CADM2: variants seen among roughly 807,000 people sequenced by gnomAD.
CADM2 encodes the protein cell adhesion molecule 2, also known as immunoglobulin superfamily member 4D.
In CADM2, 12 loss-of-function variants were observed where a neutral mutation model predicts 49.8. The ratio of observed to expected loss-of-function variants is 0.24; its 90% CI spans 0.15 to 0.39. The LOEUF (loss-of-function observed/expected upper bound fraction) is 0.39, where lower values mean the gene tolerates loss of function less well. Ranked by LOEUF, CADM2 falls within the 10% of genes least tolerant of loss-of-function variation. CADM2 has a pLI of 1.00. For missense variants in CADM2, 378 were observed against 492.3 expected, an observed-to-expected ratio of 0.77 and a Z score of 2.20; for synonymous variants, 214 against 175.4, an observed-to-expected ratio of 1.22 and a Z score of -1.74.
chr3:85,954,468 T>A (rs531192941), intron 7 of CADM2, among the ~76,000 whole-genome samples: 1 of 151,250 alleles, frequency 6.6e-6, no homozygotes, highest in East Asian at 2.0e-4. Context: ...TTTAATCAGC[T>A]TCACAGTTTT....
chr3:85,659,113 G>A (rs1395943199), intron 1 of CADM2, among the ~76,000 whole-genome samples: 1 of 147,070 alleles, frequency 6.8e-6, no homozygotes, highest in African/African-American at 2.5e-5. Flanking sequence ...CTCTACTGAA[G>A]CCCTTTCTGA....
chr3:85,198,467 G>T lies in CADM2; in HGVS notation c.61+238799G>T, dbSNP rs199550291. ...GGTCTCACCACGATGTTAATAGCAT[G>T]TTTTTTTTTTAGTTGCAACAATGCT... On this transcript the variant is annotated intron_variant, in intron 1 of 9. Coordinates refer to ENST00000383699, the MANE Select transcript of CADM2 (RefSeq NM_001167675.2). Among the ~76,000 whole-genome samples the T allele has an allele frequency of 2.2e-4, 28 of 130,064 alleles. 1 individual carries two copies. In the East Asian group the frequency reaches 6.3e-3, roughly 29 times the overall value. The allele number at this position is 130,064 out of a possible 152,430, so 85.3% of individuals were successfully genotyped here.
intron 1 of CADM2, among the ~76,000 whole-genome samples, chr3:85,307,177 T>C (rs1451008680): frequency 1.3e-5 from 2 of 151,624 alleles, no homozygotes; most frequent in East Asian, 3.9e-4. Flanking sequence ...ATATGTGTGG[T>C]TATGTTTATA....
At chr3:85,928,117 C>T (rs1264966599) in intron 6 of CADM2, among the ~76,000 whole-genome samples, 2 of 151,796 alleles carry the variant, frequency 1.3e-5, no homozygotes, top group African/African-American at 2.4e-5. Flanking sequence ...ATCCTTACTT[C>T]CCAAGTTCAT....
At chr3:85,401,026 A>G (rs1298514436) in intron 1 of CADM2, among the ~76,000 whole-genome samples, 12 of 152,178 alleles carry the variant, frequency 7.9e-5, no homozygotes, top group Non-Finnish European at 1.8e-4. Flanking sequence ...ACTTTCAGAA[A>G]CAGGTTATGA....
At position 85,957,050 on chromosome 3, in the gene CADM2, T is replaced by C. The variant is rs761712955; in HGVS notation, c.792-4419T>C. 2.0e-5 allele frequency among the ~76,000 whole-genome samples: 3 copies of C among 151,832 alleles called. No homozygotes were observed. The East Asian group carries it at 5.9e-4, about 30-fold the overall frequency. On this transcript the variant is annotated intron_variant, in intron 7 of 9. Transcript: ENST00000383699. ...AACTTCTATTTTAATATGGGTCTTATGTGACTTTGTGGAAAGGGCAAGATT... is the reference window on the plus strand; with the variant it reads ...AACTTCTATTTTAATATGGGTCTTACGTGACTTTGTGGAAAGGGCAAGATT...
chr3:85,153,467 G>C (rs551900641), intron 1 of CADM2, among the ~76,000 whole-genome samples: 101 of 152,194 alleles, frequency 6.6e-4, no homozygotes, highest in Non-Finnish European at 6.6e-4. Context: ...TGCTAGCACA[G>C]CATTCTGAGA....
At chr3:85,742,451 G>A (rs1454725897) in intron 2 of CADM2, among the ~76,000 whole-genome samples, 2 of 151,992 alleles carry the variant, frequency 1.3e-5, no homozygotes, top group Non-Finnish European at 2.9e-5. Flanking sequence ...TCTATTATCC[G>A]CAAGTACATG....
intron 1 of CADM2, among the ~76,000 whole-genome samples, chr3:85,559,185 G>A (rs192420551): frequency 6.6e-5 from 10 of 151,514 alleles, no homozygotes; most frequent in Admixed American, 2.0e-4. Flanking sequence ...AACATATCTG[G>A]GATTAATATA....
At chr3:85,533,321 A>T (rs1230348403) in intron 1 of CADM2, among the ~76,000 whole-genome samples, 2 of 152,152 alleles carry the variant, frequency 1.3e-5, no homozygotes, top group African/African-American at 4.8e-5. Flanking sequence ...GTCTTTTTTG[A>T]TGCAGGAATC....
intron 1 of CADM2, among the ~76,000 whole-genome samples, chr3:85,156,854 G>A (rs916053271): frequency 3.2e-4 from 48 of 152,286 alleles, no homozygotes; most frequent in African/African-American, 1.0e-3. Context: ...TTAGGCAGGA[G>A]AAGGAAATAA....
intron 1 of CADM2, among the ~76,000 whole-genome samples, chr3:85,063,888 A>T (rs1265585071): frequency 6.6e-6 from 1 of 152,088 alleles, no homozygotes; most frequent in Non-Finnish European, 1.5e-5. Flanking sequence ...ACGCATTAGC[A>T]GCTTCCTCCT....
chr3:85,872,551 C>A (rs2075969392), intron 3 of CADM2, among the ~76,000 whole-genome samples: 1 of 151,624 alleles, frequency 6.6e-6, no homozygotes, highest in Non-Finnish European at 1.5e-5. Flanking sequence ...CAGTCACTTT[C>A]ATTTGCCCCA....
chr3:85,875,057 G>A (rs968403929), intron 3 of CADM2, among the ~76,000 whole-genome samples: 20 of 152,082 alleles, frequency 1.3e-4, no homozygotes, highest in Admixed American at 4.6e-4. Context: ...ATTTACTATG[G>A]TTTCAGTAAA....
intron 3 of CADM2, among the ~76,000 whole-genome samples, chr3:85,868,682 G>T (rs2075810796): frequency 6.6e-6 from 1 of 152,154 alleles, no homozygotes; most frequent in South Asian, 2.1e-4. Context: ...CAGAAATTAT[G>T]CTACTAATAT....
chr3:85,969,395 G>C (rs563468059), intron 8 of CADM2, among the ~76,000 whole-genome samples: 2 of 151,396 alleles, frequency 1.3e-5, no homozygotes, highest in African/African-American at 4.8e-5. Context: ...TGCTTGGAAT[G>C]CTTGTCCAAG....
chr3:85,358,714 A>T (rs1227495612), intron 1 of CADM2, among the ~76,000 whole-genome samples: 1 of 152,190 alleles, frequency 6.6e-6, no homozygotes, highest in African/African-American at 2.4e-5. Flanking sequence ...TTTATGTGTA[A>T]CGTCCTCAAG....
chr3:85,266,935 A>G (rs2043133731), intron 1 of CADM2, among the ~76,000 whole-genome samples: 1 of 151,908 alleles, frequency 6.6e-6, no homozygotes, highest in Non-Finnish European at 1.5e-5. Context: ...AATTATGTTG[A>G]GAAATCTTCC....
intron 1 of CADM2, among the ~76,000 whole-genome samples, chr3:85,092,312 T>C (rs1261251834): frequency 1.3e-5 from 2 of 152,184 alleles, no homozygotes; most frequent in Non-Finnish European, 2.9e-5. Flanking sequence ...TCCTCTTCTA[T>C]GTAAGAAGAA....
Sources: allele counts gnomAD v4.1 joint callset (sites outside exome capture counted in the v4.1 genomes callset), GRCh38; gene constraint gnomAD v4.1.1; transcripts MANE v1.5; gene names NCBI Gene and HGNC (gene_info 2026-07-23, HGNC 2026-07-21).